The following MYOM3 variants were observed in gnomAD, a reference collection of about 807,000 sequenced individuals.
The protein encoded by MYOM3 is myomesin-3.
In MYOM3, 155 loss-of-function variants were observed where a neutral mutation model predicts 191.7. The observed-to-expected ratio is 0.81, with a 90% CI of 0.71 to 0.92. MYOM3 has a LOEUF of 0.92. Among genes scored for constraint, MYOM3 ranks in the 40% least tolerant of loss-of-function variants. The pLI, the probability that MYOM3 is intolerant of heterozygous loss-of-function variation, is 0.00. For missense variants in MYOM3, 1,889 were observed against 1,890.6 expected (o/e 1.00, Z 0.02); for synonymous variants, 757 against 762.9 (o/e 0.99, Z 0.13).
chr1:24,058,646 T>C (rs6424149), intron 36 of MYOM3, among the ~76,000 whole-genome samples: 110,122 of 152,112 alleles, frequency 0.72, 40,046 homozygotes, highest in East Asian at 0.96. Flanking sequence ...TAGGGATCTC[T>C]CAGTAGACAT....
chr1:24,096,616 G>A (rs549710848), intron 7 of MYOM3, among the ~76,000 whole-genome samples: 42 of 152,348 alleles, frequency 2.8e-4, no homozygotes, highest in African/African-American at 9.4e-4. Flanking sequence ...GGCTGTGCAG[G>A]ACAGTTTAAC....
intron 3 of MYOM3, 72 bp downstream of exon 3, chr1:24,107,921 G>T: frequency 1.5e-6 from 2 of 1,332,778 alleles, no homozygotes; most frequent in Admixed American, 2.0e-5. Context: ...TGAAAGGCCA[G>T]CAGGGAGGCC....
chr1:24,093,843 C>G (rs1268676351), intron 9 of MYOM3, among the ~76,000 whole-genome samples: 1 of 152,166 alleles, frequency 6.6e-6, no homozygotes, highest in Non-Finnish European at 1.5e-5. Flanking sequence ...CCTCCCTGGG[C>G]TCAGAGCTGG....
chr1:24,098,028 G>A lies in MYOM3; in HGVS notation c.657-17C>T, dbSNP rs1369244578. On this transcript the variant is annotated splice_polypyrimidine_tract_variant and intron_variant, in intron 6 of 36. Coordinates refer to ENST00000374434, the MANE Select transcript of MYOM3 (RefSeq NM_152372.4). ...ATGGCGCATCTGAAAAGGAGAGAGG[G>A]AGAAGTTCCTCCCAAGACTGCTGGG... 1 of 1,557,284 alleles carries A rather than the reference G, an allele frequency of 6.4e-7. No individual in the cohort carries two copies.
intron 5 of MYOM3, among the ~76,000 whole-genome samples, chr1:24,103,879 A>G (rs533050547): frequency 6.9e-6 from 1 of 144,312 alleles, no homozygotes; most frequent in African/African-American, 2.6e-5. Flanking sequence ...AGTCCTTTGG[A>G]TGTTAATCCG....
rs142394164 is a variant in MYOM3 at position 24,058,227 on chromosome 1, A to T, written c.4051-600T>A. Reference sequence around the variant, plus strand: ...TATTGCTTTTTGTAATATATATGTCACTACGATTTTACAATGCAAGTAAGA... The same window carrying T: ...TATTGCTTTTTGTAATATATATGTCTCTACGATTTTACAATGCAAGTAAGA... On this transcript the variant is annotated intron_variant, in intron 36 of 36. Coordinates refer to ENST00000374434, the MANE Select transcript of MYOM3 (RefSeq NM_152372.4). Among the ~76,000 whole-genome samples the T allele has an allele frequency of 3.3e-5, 5 of 152,344 alleles. 1 individual carries two copies. The East Asian group carries it at 9.6e-4, about 29-fold the overall frequency.
Position 24,108,616 on chromosome 1 carries a change from C to T in MYOM3, c.21G>A (p.Leu7=), listed in dbSNP as rs1223160919. Residue 7 remains leucine, a synonymous_variant, in exon 2 of 37, where the codon TTG becomes TTA. Coordinates refer to ENST00000374434, the MANE Select transcript of MYOM3 (RefSeq NM_152372.4). ...GGGGCCGGGGGTCCCCCGCACCTCC[C>T]AAGCTGTGCGGCAGAGTCATGGTTA... MTLPHS[L]GGAGDPRPPQ... 19 of 1,565,246 alleles carry T rather than the reference C, an allele frequency of 1.2e-5. No individual in the cohort carries two copies. The highest frequency in any genetic ancestry group is 1.4e-5 in the Non-Finnish European group (16 of 1,156,984).
intron 8 of MYOM3, among the ~76,000 whole-genome samples, 184 bp from the exon 9 acceptor site, chr1:24,095,174 A>G (rs1643872312): frequency 6.6e-6 from 1 of 152,182 alleles, no homozygotes; most frequent in African/African-American, 2.4e-5. Flanking sequence ...GCCAAAGAGC[A>G]AACATCCCAA....
chr1:24,064,061 C>G lies in MYOM3; in HGVS notation c.3622+11G>C. 1.2e-6 allele frequency: 2 copies of G among 1,611,570 alleles called. No individual in the cohort carries two copies. Among genetic ancestry groups the G allele is most frequent in the Non-Finnish European group, 1.7e-6 (2 of 1,177,832 alleles). ...TCCCTCCACAGCCCCTGACCCATCG[C>G]CAGCTCCTACCGTCACCCGTGAGGT... On this transcript the variant is annotated intron_variant, in intron 30 of 36. Transcript: ENST00000374434.
chr1:24,089,744 A>G, intron 13 of MYOM3, 79 bp from the exon 14 acceptor site: 1 of 1,451,438 alleles, frequency 6.9e-7, no homozygotes, highest in Non-Finnish European at 9.3e-7. Context: ...TCCATGGAAG[A>G]GGGAACTACA....
chr1:24,064,017 A>G, intron 30 of MYOM3, 55 bp downstream of exon 30: 1 of 1,299,194 alleles, frequency 7.7e-7, no homozygotes, highest in Admixed American at 1.8e-5. Context: ...AGATCACATC[A>G]CAGTCTGCTC....
Position 24,092,198 on chromosome 1 carries a change from G to A in MYOM3, c.1208C>T (p.Pro403Leu). The A allele has an allele frequency of 1.4e-6, 2 of 1,459,996 alleles. No individual in the cohort carries two copies. The highest frequency in any genetic ancestry group is 1.8e-6 in the Non-Finnish European group (2 of 1,098,124). 90.4% of individuals were successfully genotyped at this position (1,459,996 alleles called of 1,614,324 possible). ...WAPPSDTRGNPITAYTIERCQ... is the reference protein window; with the variant it reads ...WAPPSDTRGNLITAYTIERCQ... ...CCGCTCAATGGTGTAGGCAGTGATG[G>A]GGTTGCCCCGGGTGTCACTGGGCGG... is the stretch of plus-strand genomic sequence containing the variant. Residue 403 changes from proline (P) to leucine (L), a missense_variant, in exon 11 of 37, where the codon CCC becomes CTC. Physicochemically the swap from Pro to Leu is moderately conservative, Grantham distance 98. Coordinates refer to ENST00000374434, the MANE Select transcript of MYOM3 (RefSeq NM_152372.4).
chr1:24,067,383 TCTTTTTCCTTCCTTCCTTCC>T (rs1557602488), intron 27 of MYOM3, among the ~76,000 whole-genome samples: 2 of 105,514 alleles, frequency 1.9e-5, no homozygotes, highest in Admixed American at 1.1e-4. Context: ...CTTCTTTCTT[TCTTTTTCCTTCCTTCCTTCC>T]TTCCTTCCTT....
chr1:24,067,378 T>TTCTTTCTTTCTTTC (rs1643459191), intron 27 of MYOM3, among the ~76,000 whole-genome samples: 1 of 116,746 alleles, frequency 8.6e-6, no homozygotes, highest in Non-Finnish European at 1.7e-5. Flanking sequence ...CTTTCCTTCT[T>TTCTTTCTTTCTTTC]TCTTTCTTTT....
At position 24,063,560 on chromosome 1, in the gene MYOM3, G is replaced by T; in HGVS notation, c.3623-30C>A. On this transcript the variant is annotated intron_variant, in intron 30 of 36. Coordinates refer to ENST00000374434, the MANE Select transcript of MYOM3 (RefSeq NM_152372.4). This position sits in a 1 kb window ranked among gnomAD's most constrained non-coding sequence, Gnocchi z 4.5. ...CGGGAAACAGAGAGAAGGGTTAGCT[G>T]GCATAGGGCTCCCCTAGGGATGTGC... is the stretch of plus-strand genomic sequence containing the variant. The T allele has an allele frequency of 1.2e-6, 2 of 1,613,884 alleles. No homozygotes were observed. The highest frequency in any genetic ancestry group is 1.7e-6 in the Non-Finnish European group (2 of 1,179,824).
intron 15 of MYOM3, among the ~76,000 whole-genome samples, chr1:24,085,439 T>A (rs1643727498): frequency 1.3e-5 from 2 of 152,230 alleles, no homozygotes; most frequent in African/African-American, 4.8e-5. Flanking sequence ...GTGCATGATC[T>A]TCCTAGTTCT....
At position 24,109,963 on chromosome 1, in the gene MYOM3, G is replaced by T. The variant is rs138531997; in HGVS notation, c.-18-1309C>A. ...TAGGCCCGTGATGGCGCCCAGTGGGGCCGGATCAGATTGACCCAGGGGAGG... is the reference window on the plus strand; with the variant it reads ...TAGGCCCGTGATGGCGCCCAGTGGGTCCGGATCAGATTGACCCAGGGGAGG... On this transcript the variant is annotated intron_variant, in intron 1 of 36. Coordinates refer to ENST00000374434, the MANE Select transcript of MYOM3 (RefSeq NM_152372.4). Among the ~76,000 whole-genome samples, 398 of 152,372 alleles carry T rather than the reference G, an allele frequency of 2.6e-3. 3 individuals are homozygous for T. Among genetic ancestry groups the T allele is most frequent in the African/African-American group, 8.8e-3 (364 of 41,594 alleles).
Position 24,059,000 on chromosome 1 carries a change from C to T in MYOM3, c.3995-21G>A, listed in dbSNP as rs770530718. ...ACGATCTGGAAGGGAAATAAGAGAC[C>T]CCAGCGATGAATCCTTTTCTGCCAG... On this transcript the variant is annotated intron_variant, in intron 35 of 36. Coordinates refer to ENST00000374434, the MANE Select transcript of MYOM3 (RefSeq NM_152372.4). The T allele has an allele frequency of 2.5e-6, 4 of 1,595,098 alleles. No homozygotes were observed. In the African/African-American group the frequency reaches 4.0e-5, roughly 16 times the overall value.
chr1:24,095,801 T>C (rs955228033), intron 7 of MYOM3, among the ~76,000 whole-genome samples: 3 of 152,154 alleles, frequency 2.0e-5, no homozygotes, highest in African/African-American at 7.2e-5. Context: ...GATTATGCAC[T>C]GTCTTCACAG....
Sources: gnomAD v4.1 joint callset for allele counts (sites outside exome capture counted in the v4.1 genomes callset) on GRCh38, gnomAD v4.1.1 for gene constraint, Gnocchi (gnomAD v3.1) non-coding constraint, MANE v1.5 for transcripts, NCBI Gene and HGNC (gene_info 2026-07-23, HGNC 2026-07-21) for gene names.